Variants in CD8A observed in about 807,000 individuals in gnomAD.
CD8A encodes the protein T-cell surface glycoprotein CD8 alpha chain.
A neutral mutation model predicts 24.2 loss-of-function variants in CD8A; 25 were observed. That is an observed-to-expected ratio of 1.03 (90% CI 0.75 to 1.44). CD8A has a LOEUF of 1.44. Ranked by LOEUF, CD8A falls within the 40% of genes most tolerant of loss-of-function variation. The probability of loss-of-function intolerance (pLI) is 0.00; values close to 1 mark genes in which losing one functional copy is unlikely to be tolerated. For missense variants in CD8A, 360 were observed against 319.7 expected, an observed-to-expected ratio of 1.13 and a Z score of -0.96; for synonymous variants, 165 against 149.9, an observed-to-expected ratio of 1.10 and a Z score of -0.74.
At chr2:86,805,747 C>G (rs1347208975) in intron 2 of CD8A, among the ~76,000 whole-genome samples, 3 of 152,134 alleles carry the variant, frequency 2.0e-5, no homozygotes, top group Non-Finnish European at 2.9e-5. Context: ...AACCTGATTT[C>G]CTTCCAACCA....
chr2:86,803,378 A>G (rs1324323725), intron 2 of CD8A, among the ~76,000 whole-genome samples: 1 of 152,202 alleles, frequency 6.6e-6, no homozygotes, highest in Non-Finnish European at 1.5e-5. Flanking sequence ...ACAACCATCA[A>G]TGGACGAATG....
At position 86,789,378 on chromosome 2, in the gene CD8A, G is replaced by A; in HGVS notation, c.570C>T (p.Ala190=). Residue 190 remains alanine, a synonymous_variant, in exon 4 of 6, where the codon GCC becomes GCT. Coordinates refer to ENST00000283635, the MANE Select transcript of CD8A (RefSeq NM_001768.7). ...ACAGGAGAAGGACCCCACAAGTCCC[G>A]GCCAAGGGCGCCCAGATGTAGATAT... is the stretch of plus-strand genomic sequence containing the variant. ...ACDIYIWAPL[A]GTCGVLLLSL... The A allele has an allele frequency of 1.2e-6, 2 of 1,613,984 alleles. No homozygotes were observed. The highest frequency in any genetic ancestry group is 1.7e-6 in the Non-Finnish European group (2 of 1,179,878).
intron 3 of CD8A, among the ~76,000 whole-genome samples, chr2:86,796,895 T>TTAC: frequency 6.6e-6 from 1 of 152,176 alleles, no homozygotes; most frequent in Non-Finnish European, 1.5e-5. Flanking sequence ...TCCTCCCAAC[T>TTAC]TCCTGTTTTC....
intron 2 of CD8A, among the ~76,000 whole-genome samples, chr2:86,804,511 G>A (rs1673776641): frequency 6.6e-6 from 1 of 152,152 alleles, no homozygotes. Flanking sequence ...GGTGGTGAAG[G>A]TTGCACAACA....
rs533432121 is a variant in CD8A, at chr2:86,785,663, C to T, written c.*257G>A. On this transcript the variant is annotated 3_prime_UTR_variant, in exon 6 of 6. Transcript: ENST00000283635. ...CTGAGAACTCTGCGGGTAGCTCTGG[C>T]CTGCCCCTTTCCACGCCCTACCGCG... 292 of 668,830 alleles carry T rather than the reference C, an allele frequency of 4.4e-4. 5 individuals carry two copies. The highest frequency in any genetic ancestry group is 4.0e-3 in the African/African-American group (227 of 56,638). The allele number at this position is 668,830 out of a possible 1,614,324, so 41.4% of individuals were successfully genotyped here. A position where few individuals can be genotyped will look rare whatever the true frequency, so the allele number is the denominator to read the frequency against.
rs944034822 is a variant in CD8A at position 86,785,129 on chromosome 2, C to T, written c.*791G>A. 4 of 453,906 alleles carry T rather than the reference C, an allele frequency of 8.8e-6. No homozygotes were observed. Among genetic ancestry groups the T allele is most frequent in the Non-Finnish European group, 1.8e-5 (4 of 226,786 alleles). The allele number at this position is 453,906 out of a possible 1,614,324, so 28.1% of individuals were successfully genotyped here. A position where few individuals can be genotyped will look rare whatever the true frequency, so the allele number is the denominator to read the frequency against. On this transcript the variant is annotated 3_prime_UTR_variant, in exon 6 of 6. Coordinates refer to ENST00000283635, the MANE Select transcript of CD8A (RefSeq NM_001768.7). ...GGTAGCCTGTCCTCTTTCATGGGCC[C>T]CTCTGCAATGCAAGGGCTGGGAGAG...
chr2:86,806,233 G>A (rs1277929623), intron 2 of CD8A, among the ~76,000 whole-genome samples: 1 of 152,138 alleles, frequency 6.6e-6, no homozygotes, highest in Non-Finnish European at 1.5e-5. Flanking sequence ...GGTGGAGGAC[G>A]CAGTGATGGA....
Position 86,790,903 on chromosome 2 carries a change from G to C in CD8A, c.-78C>G, listed in dbSNP as rs1160887106. 4 of 1,388,698 alleles carry C rather than the reference G, an allele frequency of 2.9e-6. No homozygotes were observed. Among genetic ancestry groups the C allele is most frequent in the Non-Finnish European group, 3.0e-6 (3 of 1,012,822 alleles). 86.0% of individuals were successfully genotyped at this position (1,388,698 alleles called of 1,614,324 possible). On this transcript the variant is annotated 5_prime_UTR_variant, in exon 1 of 6. Coordinates refer to ENST00000283635, the MANE Select transcript of CD8A (RefSeq NM_001768.7). ...GCGCGGGAGCCGGTGGGGCGCCGAG[G>C]GGGGAAAGTTGCGCCCTTCGGCCGG... is the stretch of plus-strand genomic sequence containing the variant.
chr2:86,797,955 G>A (rs1455302585), intron 3 of CD8A, among the ~76,000 whole-genome samples: 4 of 152,260 alleles, frequency 2.6e-5, no homozygotes, highest in South Asian at 2.1e-4. Context: ...GAAGGATGCC[G>A]AATGTCCAAT....
intron 2 of CD8A, among the ~76,000 whole-genome samples, chr2:86,804,085 C>G (rs1673762241): frequency 6.6e-6 from 1 of 152,142 alleles, no homozygotes; most frequent in Non-Finnish European, 1.5e-5. Flanking sequence ...AAATGGGTAA[C>G]TAAGTGAGAT....
In CD8A at chr2:86,790,473, G is replaced by A. The variant is rs369266811; in HGVS notation, c.258C>T (p.Thr86=). 2.5e-6 allele frequency: 4 copies of A among 1,614,048 alleles called. No individual in the cohort carries two copies. The African/African-American group carries it at 5.3e-5, about 22-fold the overall frequency. The change falls in exon 2 of 6, where the codon ACC becomes ACT. Residue 86 remains threonine, a synonymous_variant. Coordinates refer to ENST00000283635, the MANE Select transcript of CD8A (RefSeq NM_001768.7). The part of the protein sequence containing the change: ...NKPKAAEGLD[T]QRFSGKRLGD... ...CCAACCTCTTGCCCGAGAACCGCTG[G>A]GTGTCCAGCCCCTCGGCCGCCTTGG...
intron 1 of CD8A, 37 bp downstream of exon 1, chr2:86,790,740 G>A (rs776318667): frequency 1.7e-5 from 11 of 644,250 alleles, no homozygotes; most frequent in Non-Finnish European, 2.6e-5. Flanking sequence ...CCCCCCGCCC[G>A]CCCCATCCCC....
At chr2:86,787,276 T>C (rs900608335) in intron 5 of CD8A, among the ~76,000 whole-genome samples, 1 of 151,988 alleles carries the variant, frequency 6.6e-6, no homozygotes, top group Admixed American at 6.5e-5. Flanking sequence ...CCCCTTGGTA[T>C]ATCACCTGTA....
intron 2 of CD8A, among the ~76,000 whole-genome samples, chr2:86,803,920 G>C (rs1347249635): frequency 1.3e-5 from 2 of 152,182 alleles, no homozygotes; most frequent in Non-Finnish European, 2.9e-5. Flanking sequence ...GTAGGAGAGA[G>C]GAAATGGGCA....
Position 86,785,487 on chromosome 2 carries a change from T to G in CD8A, c.*433A>C, listed in dbSNP as rs1469857514. On this transcript the variant is annotated 3_prime_UTR_variant, in exon 6 of 6. Coordinates refer to ENST00000283635, the MANE Select transcript of CD8A (RefSeq NM_001768.7). ...TGGTGTGGAGGAAAGAGCCCTGAGC[T>G]GGGAGACAAGGTCCCTCCAGCTACT... The G allele has an allele frequency of 2.2e-6, 1 of 458,852 alleles. No individual in the cohort carries two copies. The highest frequency in any genetic ancestry group is 4.3e-6 in the Non-Finnish European group (1 of 230,184). The allele number at this position is 458,852 out of a possible 1,614,324, so 28.4% of individuals were successfully genotyped here.
chr2:86,788,145 T>C (rs1488888904), intron 5 of CD8A, among the ~76,000 whole-genome samples: 1 of 151,712 alleles, frequency 6.6e-6, no homozygotes, highest in Non-Finnish European at 1.5e-5. Flanking sequence ...GGAAAAAAAA[T>C]TGTTTTCTTA....
In CD8A at chr2:86,798,586, G is replaced by A. The variant is rs144746628; in HGVS notation, c.-271+2925C>T. 4.5e-3 allele frequency among the ~76,000 whole-genome samples: 688 copies of A among 151,612 alleles called. 7 individuals are homozygous for A. Among genetic ancestry groups the A allele is most frequent in the African/African-American group, 0.015 (637 of 41,304 alleles). On this transcript the variant is annotated intron_variant, in intron 3 of 8. Coordinates refer to the CD8A transcript ENST00000409511. Reference sequence around the variant, plus strand: ...TGCCCAGGCTGCAGTGCAGTGGTGCGATCTCATCTCACTGCAACCTTTGCC... The same window carrying A: ...TGCCCAGGCTGCAGTGCAGTGGTGCAATCTCATCTCACTGCAACCTTTGCC...
At chr2:86,801,900 A>C in intron 2 of CD8A, among the ~76,000 whole-genome samples, 1 of 152,224 alleles carries the variant, frequency 6.6e-6, no homozygotes, top group East Asian at 1.9e-4. Flanking sequence ...CATTTCATTA[A>C]GAGCTGAATT....
chr2:86,787,076 C>CCG (rs1261009631), intron 5 of CD8A, among the ~76,000 whole-genome samples: 1 of 127,654 alleles, frequency 7.8e-6, no homozygotes, highest in Non-Finnish European at 1.6e-5. Context: ...AAACTTCCCC[C>CCG]CCCACTTTTT....
Sources: gnomAD v4.1 joint callset for allele counts (sites outside exome capture counted in the v4.1 genomes callset) on GRCh38, gnomAD v4.1.1 for gene constraint, MANE v1.5 for transcripts, NCBI Gene and HGNC (gene_info 2026-07-23, HGNC 2026-07-21) for gene names.